PTPRM: variants seen among roughly 807,000 people sequenced by gnomAD.
PTPRM encodes protein tyrosine phosphatase receptor type M.
PTPRM carries 47 observed loss-of-function variants against 186.7 expected under a neutral mutation model. That is an observed-to-expected ratio of 0.25 (90% CI 0.20 to 0.32). The LOEUF is 0.32. Ranked by LOEUF, PTPRM falls within the 10% of genes least tolerant of loss-of-function variation. The pLI, the probability that PTPRM is intolerant of heterozygous loss-of-function variation, is 1.00. For missense variants in PTPRM, 1,494 were observed against 1,865.0 expected (o/e 0.80, Z 3.66); for synonymous variants, 668 against 674.9 (o/e 0.99, Z 0.16).
intron 11 of PTPRM, among the ~76,000 whole-genome samples, chr18:8,101,974 C>A (rs567275062): frequency 6.6e-6 from 1 of 152,182 alleles, no homozygotes; most frequent in African/African-American, 2.4e-5. Flanking sequence ...AGTTCCAGAT[C>A]ACTGCAATAA....
intron 3 of PTPRM, among the ~76,000 whole-genome samples, chr18:7,903,776 T>G (rs1456070694): frequency 6.6e-6 from 1 of 152,232 alleles, no homozygotes; most frequent in Non-Finnish European, 1.5e-5. Flanking sequence ...AGCAAGAGTT[T>G]CTGGGATGTC....
At chr18:7,628,418 A>G (rs1243884523) in intron 1 of PTPRM, among the ~76,000 whole-genome samples, 3 of 152,260 alleles carry the variant, frequency 2.0e-5, no homozygotes, top group Non-Finnish European at 4.4e-5. Context: ...TTCAAATGAA[A>G]GTTTAAAACG....
chr18:7,585,498 C>T (rs563477638), intron 1 of PTPRM, among the ~76,000 whole-genome samples: 33 of 152,142 alleles, frequency 2.2e-4, no homozygotes, highest in Admixed American at 1.2e-3. Flanking sequence ...TGGATTTGTG[C>T]GGGATTGGAA....
At chr18:8,291,891 G>T (rs1354694965) in intron 19 of PTPRM, among the ~76,000 whole-genome samples, 1 of 151,984 alleles carries the variant, frequency 6.6e-6, no homozygotes, top group East Asian at 1.9e-4. Context: ...GACTCACAGG[G>T]TCGTTAAGAG....
intron 7 of PTPRM, among the ~76,000 whole-genome samples, chr18:8,039,660 G>A (rs2086569273): frequency 6.6e-6 from 1 of 152,034 alleles, no homozygotes; most frequent in African/African-American, 2.4e-5. Context: ...TCATTTTTTT[G>A]TAGTGAGAAT....
At chr18:8,093,905 C>T (rs1001800691) in intron 11 of PTPRM, among the ~76,000 whole-genome samples, 1 of 152,128 alleles carries the variant, frequency 6.6e-6, no homozygotes, top group Non-Finnish European at 1.5e-5. Context: ...ATGTTCTAGT[C>T]ACCCTTTAAG....
At chr18:8,231,198 T>C (rs2094281594) in intron 14 of PTPRM, among the ~76,000 whole-genome samples, 1 of 152,206 alleles carries the variant, frequency 6.6e-6, no homozygotes, top group South Asian at 2.1e-4. Context: ...TAACCTAGCA[T>C]GGCAGGGTCT....
At chr18:7,975,620 C>T (rs183379476) in intron 7 of PTPRM, among the ~76,000 whole-genome samples, 241 of 152,236 alleles carry the variant, frequency 1.6e-3, no homozygotes, top group African/African-American at 5.6e-3. Context: ...TGAAAATCAC[C>T]TAGTAACATT....
chr18:8,377,428 G>T (rs28580336), intron 26 of PTPRM: 10 of 152,136 alleles, frequency 6.6e-5, no homozygotes, highest in African/African-American at 2.2e-4. Flanking sequence ...GATAATAATC[G>T]TAATAATTTA....
At chr18:8,074,067 C>A (rs1459264474) in intron 8 of PTPRM, among the ~76,000 whole-genome samples, 1 of 152,034 alleles carries the variant, frequency 6.6e-6, no homozygotes, top group Non-Finnish European at 1.5e-5. Flanking sequence ...TTGTGCCAAA[C>A]AACACTTGAC....
In PTPRM at chr18:8,273,721, T is replaced by C. The variant is rs549078196; in HGVS notation, c.2754+20307T>C. Among the ~76,000 whole-genome samples, 71 of 152,340 alleles carry C rather than the reference T, an allele frequency of 4.7e-4. 1 individual carries two copies. The highest frequency in any genetic ancestry group is 1.9e-3 in the South Asian group (9 of 4,822). On this transcript the variant is annotated intron_variant, in intron 19 of 32. Coordinates refer to ENST00000580170, the MANE Select transcript of PTPRM (RefSeq NM_001105244.2). ...GGAATCATTGGTATATATGGGTCTT[T>C]TATAAGTTACATTTGCAATTCAAGA...
At chr18:7,620,719 A>C (rs1281270904) in intron 1 of PTPRM, among the ~76,000 whole-genome samples, 1 of 152,192 alleles carries the variant, frequency 6.6e-6, no homozygotes, top group Non-Finnish European at 1.5e-5. Context: ...CATCACATGG[A>C]CATGATATCA....
intron 7 of PTPRM, among the ~76,000 whole-genome samples, chr18:7,978,104 C>A (rs892677370): frequency 6.6e-6 from 1 of 152,130 alleles, no homozygotes; most frequent in Non-Finnish European, 1.5e-5. Context: ...CCTCTCAGCG[C>A]ACTTTGCTTT....
At chr18:7,774,700 T>G (rs1488319852) in intron 2 of PTPRM, among the ~76,000 whole-genome samples, 1 of 152,234 alleles carries the variant, frequency 6.6e-6, no homozygotes, top group Non-Finnish European at 1.5e-5. Context: ...TCTAGGAGAA[T>G]GCCCAGTGAT....
chr18:7,927,488 A>C lies in PTPRM; in HGVS notation c.663+805A>C, dbSNP rs1424734375. Among the ~76,000 whole-genome samples the C allele has an allele frequency of 5.4e-5, 8 of 148,602 alleles. No individual in the cohort carries two copies. The South Asian group carries it at 1.7e-3, about 31-fold the overall frequency. The stretch of plus-strand genomic sequence containing the variant: ...TGTGTGGGTGTGGGTTTTTTTTTTT[A>C]AAGTATTATCTATTTATTTTTAGTT... On this transcript the variant is annotated intron_variant, in intron 5 of 32. Transcript: ENST00000580170.
At chr18:8,253,077 A>G in intron 18 of PTPRM, 150 bp from the exon 19 acceptor site, 1 of 528,620 alleles carries the variant, frequency 1.9e-6, no homozygotes, top group Non-Finnish European at 3.1e-6. Flanking sequence ...AAATTTCTAA[A>G]CATTTAACTT....
At chr18:7,674,036 G>T (rs2144509506) in intron 1 of PTPRM, among the ~76,000 whole-genome samples, 1 of 152,300 alleles carries the variant, frequency 6.6e-6, no homozygotes, top group East Asian at 1.9e-4. Flanking sequence ...CCTGAAGGGG[G>T]AGATGGGACT....
intron 7 of PTPRM, among the ~76,000 whole-genome samples, chr18:8,043,325 A>G (rs2086808759): frequency 6.6e-6 from 1 of 152,114 alleles, no homozygotes; most frequent in African/African-American, 2.4e-5. Flanking sequence ...TCACTGGTAG[A>G]ATTTCTTAAT....
chr18:8,180,852 G>A (rs2093563062), intron 14 of PTPRM, among the ~76,000 whole-genome samples: 1 of 152,146 alleles, frequency 6.6e-6, no homozygotes, highest in Non-Finnish European at 1.5e-5. Context: ...CCATTCCCAT[G>A]TGCCACCTAT....
Sources: allele counts gnomAD v4.1 joint callset (sites outside exome capture counted in the v4.1 genomes callset), GRCh38; gene constraint gnomAD v4.1.1; transcripts MANE v1.5; gene names NCBI Gene and HGNC (gene_info 2026-07-23, HGNC 2026-07-21).